ZFP28: variants seen among roughly 807,000 people sequenced by gnomAD.
ZFP28 encodes the protein ZFP28 zinc finger protein, also known as zinc finger protein 28 homolog.
Under a neutral mutation model 39.5 loss-of-function variants are expected in ZFP28, and 31 were observed. The observed-to-expected ratio is 0.79, with a 90% confidence interval of 0.59 to 1.06. The LOEUF (loss-of-function observed/expected upper bound fraction) is 1.06. ZFP28 is among the 50% of genes least tolerant of loss of function. The pLI, the probability that ZFP28 is intolerant of heterozygous loss-of-function variation, is 0.00. For missense variants in ZFP28, 925 were observed against 1,048.4 expected, an observed-to-expected ratio of 0.88 and a Z score of 1.63; for synonymous variants, 400 against 378.6, an observed-to-expected ratio of 1.06 and a Z score of -0.66.
chr19:56,551,732 T>G, intron 7 of ZFP28: 1 of 984,020 alleles, frequency 1.0e-6, no homozygotes, highest in Non-Finnish European at 1.2e-6. Flanking sequence ...ACTAAAATTA[T>G]TCTTTTTTTA....
At chr19:56,545,990 T>C (rs999892529) in intron 2 of ZFP28, 6 of 152,184 alleles carry the variant, frequency 3.9e-5, no homozygotes, top group Non-Finnish European at 5.9e-5. Context: ...TGGATGAGAG[T>C]TATGACAGTC....
Position 56,554,193 on chromosome 19 carries a change from C to T in ZFP28, c.1408C>T (p.His470Tyr), listed in dbSNP as rs1688565337. 6.2e-7 allele frequency: 1 copy of T among 1,614,028 alleles called. No individual in the cohort carries two copies. Among genetic ancestry groups the T allele is most frequent in the Non-Finnish European group, 8.5e-7 (1 of 1,180,034 alleles). Reference protein sequence around the residue: ...GSSFARHQRCHTGKKPYECIE... With the variant: ...GSSFARHQRCYTGKKPYECIE... ...ATCCTTTGCCCGACACCAGAGATGT[C>T]ACACTGGCAAGAAGCCCTATGAGTG... The change falls in exon 8 of 8, where the codon CAC becomes TAC. Residue 470 changes from histidine to tyrosine, a missense_variant. Around this residue, in one of 2 missense-constraint regions of ZFP28, gnomAD observed 369 missense variants for 505.5 expected, o/e 0.73. Coordinates refer to ENST00000301318, the MANE Select transcript of ZFP28 (RefSeq NM_020828.2). The surrounding 1 kb of genome is among the most constrained non-coding windows in gnomAD (Gnocchi z 6.7).
rs2044258928 is a variant in ZFP28, at chr19:56,547,970, A to G, written c.523+68A>G. 2.0e-6 allele frequency: 3 copies of G among 1,471,272 alleles called. No homozygotes were observed. The highest frequency in any genetic ancestry group is 2.3e-5 in the East Asian group (1 of 43,876). The allele number at this position is 1,471,272 out of a possible 1,614,324, so 91.1% of individuals were successfully genotyped here. A position where few individuals can be genotyped will look rare whatever the true frequency, so the allele number is the denominator to read the frequency against. ...ATAGTTCAGCTGACTCAGACACGCA[A>G]CATCTTCAGCAGACTCTTCCTAAGC... On this transcript the variant is annotated intron_variant, in intron 4 of 7. Transcript: ENST00000301318. This position sits in a 1 kb window ranked among gnomAD's most constrained non-coding sequence, Gnocchi z 4.6.
chr19:56,538,059 G>C (rs1378758962), upstream of ZFP28: 1 of 152,232 alleles, frequency 6.6e-6, no homozygotes, highest in Non-Finnish European at 1.5e-5. Flanking sequence ...TGGCATAAAG[G>C]AGCCAGCCCA....
At position 56,549,026 on chromosome 19, in the gene ZFP28, C is replaced by G; in HGVS notation, c.592C>G (p.Gln198Glu). The change falls in exon 5 of 8, where the codon CAG becomes GAG. Residue 198 changes from glutamine (Q) to glutamate (E), a missense_variant. Around this residue, in one of 2 missense-constraint regions of ZFP28, gnomAD observed 556 missense variants for 542.9 expected, o/e 1.02. Coordinates refer to ENST00000301318, the MANE Select transcript of ZFP28 (RefSeq NM_020828.2). ...KKDFCEGKLS[Q>E]AVITERLTSY... ...GGACTTCTGCGAAGGAAAGCTATCC[C>G]AGGCAGTGATAACAGAGAGACTCAC... 6.2e-7 allele frequency: 1 copy of G among 1,614,082 alleles called. No individual in the cohort carries two copies. Among genetic ancestry groups the G allele is most frequent in the Non-Finnish European group, 8.5e-7 (1 of 1,180,020 alleles).
In ZFP28 at chr19:56,539,206, C is replaced by A; in HGVS notation, c.188C>A (p.Pro63His). Residue 63 changes from proline to histidine, a missense_variant, in exon 1 of 8, where the codon CCT becomes CAT. Physicochemically the swap from Pro to His is moderately conservative, Grantham distance 77. Around this residue, in one of 2 missense-constraint regions of ZFP28, gnomAD observed 556 missense variants for 542.9 expected, o/e 1.02. Transcript: ENST00000301318. Reference sequence around the variant, plus strand: ...TCCAAAGGCCAGCGAGGAGCGGCCCCTACGGGGCCTGGGCACAGAGGTGAG... The same window carrying A: ...TCCAAAGGCCAGCGAGGAGCGGCCCATACGGGGCCTGGGCACAGAGGTGAG... ...LASKGQRGAAPTGPGHRALPS... is the reference protein window; with the variant it reads ...LASKGQRGAAHTGPGHRALPS... 6.3e-7 allele frequency: 1 copy of A among 1,598,156 alleles called. No individual in the cohort carries two copies.
Position 56,556,433 on chromosome 19 carries a change from G to A in ZFP28, c.*1041G>A, listed in dbSNP as rs1167555390. 1 of 152,122 alleles carries A rather than the reference G, an allele frequency of 6.6e-6. No homozygotes were observed. 9.4% of individuals were successfully genotyped at this position (152,122 alleles called of 1,614,324 possible). ...GTGTGATCCCTGCTATGGAGCAGAGGTTATCAAACTAAAGCCCATGGACCA... is the reference window on the plus strand; with the variant it reads ...GTGTGATCCCTGCTATGGAGCAGAGATTATCAAACTAAAGCCCATGGACCA... On this transcript the variant is annotated 3_prime_UTR_variant, in exon 8 of 8. Transcript: ENST00000301318.
chr19:56,539,490 T>C (rs1280912115), intron 1 of ZFP28, 135 bp from the exon 2 acceptor site: 4 of 785,882 alleles, frequency 5.1e-6, no homozygotes, highest in Non-Finnish European at 6.0e-6. Context: ...GAAAAAAACC[T>C]ATCTCCACGT....
chr19:56,549,618 A>C (rs894215888), intron 5 of ZFP28, among the ~76,000 whole-genome samples: 1 of 151,994 alleles, frequency 6.6e-6, no homozygotes, highest in Non-Finnish European at 1.5e-5. Flanking sequence ...CGGAGCTTGC[A>C]GTGAGCCGAG....
Position 56,554,152 on chromosome 19 carries a change from C to A in ZFP28, c.1367C>A (p.Ala456Asp), listed in dbSNP as rs61733505. 1.1e-5 allele frequency: 18 copies of A among 1,614,148 alleles called. No individual in the cohort carries two copies. In the South Asian group the frequency reaches 2.0e-4, roughly 18 times the overall value. The change falls in exon 8 of 8, where the codon GCC becomes GAC. Residue 456 changes from alanine to aspartate, a missense_variant. Ala to Asp is a moderately radical substitution (Grantham distance 126). Transcript: ENST00000301318. This position sits in a 1 kb window ranked among gnomAD's most constrained non-coding sequence, Gnocchi z 6.7. Reference protein sequence around the residue: ...KPYKCNECGKAFSDGSSFARH... With the variant: ...KPYKCNECGKDFSDGSSFARH... ...TATAAATGTAATGAATGTGGGAAGG[C>A]CTTTAGTGACGGCTCATCCTTTGCC... is the stretch of plus-strand genomic sequence containing the variant.
chr19:56,550,424 A>C lies in ZFP28; in HGVS notation c.803-86A>C, dbSNP rs1275180595. The C allele has an allele frequency of 1.8e-5, 22 of 1,202,906 alleles. No individual in the cohort carries two copies. In the East Asian group the frequency reaches 4.0e-4, roughly 22 times the overall value. 74.5% of individuals were successfully genotyped at this position (1,202,906 alleles called of 1,614,324 possible). On this transcript the variant is annotated intron_variant, in intron 6 of 7. Coordinates refer to ENST00000301318, the MANE Select transcript of ZFP28 (RefSeq NM_020828.2). ...CTGTTTTTCTGTTTCTTTCAGCAGTAACACTTTTCTATCAACAAGGAAGTG... is the reference window on the plus strand; with the variant it reads ...CTGTTTTTCTGTTTCTTTCAGCAGTCACACTTTTCTATCAACAAGGAAGTG...
At chr19:56,545,627 A>G (rs1283737098) in intron 2 of ZFP28, 2 of 152,222 alleles carry the variant, frequency 1.3e-5, no homozygotes, top group Non-Finnish European at 2.9e-5. Context: ...TGGCCAGCAC[A>G]CCTTGCAGGG....
intron 2 of ZFP28, among the ~76,000 whole-genome samples, chr19:56,543,380 TTA>T (rs143634480): frequency 2.0e-5 from 3 of 146,514 alleles, no homozygotes; most frequent in Admixed American, 6.8e-5. Context: ...TATATGTATA[TTA>T]TATATATATG....
At position 56,547,869 on chromosome 19, in the gene ZFP28, G is replaced by T; in HGVS notation, c.490G>T (p.Val164Leu). Reference sequence around the variant, plus strand: ...GGAACAAGGAAAAGAGCCTTGGACAGTGAAGCGAAAGATGACAAGAGCCTG... The same window carrying T: ...GGAACAAGGAAAAGAGCCTTGGACATTGAAGCGAAAGATGACAAGAGCCTG... ...SLEQGKEPWT[V>L]KRKMTRAWCP... The change falls in exon 4 of 8, where the codon GTG becomes TTG. Residue 164 changes from valine (V) to leucine (L), a missense_variant. This residue lies in a region of ZFP28 where 556 missense variants were observed against 542.9 expected (regional missense o/e 1.02). Coordinates refer to ENST00000301318, the MANE Select transcript of ZFP28 (RefSeq NM_020828.2). The surrounding 1 kb of genome is among the most constrained non-coding windows in gnomAD (Gnocchi z 4.6). 6.2e-7 allele frequency: 1 copy of T among 1,614,204 alleles called. No homozygotes were observed. Among genetic ancestry groups the T allele is most frequent in the Non-Finnish European group, 8.5e-7 (1 of 1,180,018 alleles).
chr19:56,545,212 C>T (rs1425179963), intron 2 of ZFP28, among the ~76,000 whole-genome samples: 1 of 152,196 alleles, frequency 6.6e-6, no homozygotes, highest in Non-Finnish European at 1.5e-5. Flanking sequence ...CCTTTCAGTC[C>T]CCAGCTTAGG....
chr19:56,551,528 G>C (rs2044303007), intron 7 of ZFP28: 1 of 984,840 alleles, frequency 1.0e-6, no homozygotes, highest in Admixed American at 6.2e-5. Context: ...AATTATAATA[G>C]ATTTTTTTCA....
rs897185858 is a variant in ZFP28 at position 56,551,573 on chromosome 19, G to A, written c.898+968G>A. The A allele has an allele frequency of 1.0e-5, 10 of 985,096 alleles. No individual in the cohort carries two copies. In the East Asian group the frequency reaches 1.0e-3, roughly 101 times the overall value. The allele number at this position is 985,096 out of a possible 1,614,324, so 61.0% of individuals were successfully genotyped here. A position where few individuals can be genotyped will look rare whatever the true frequency, so the allele number is the denominator to read the frequency against. On this transcript the variant is annotated intron_variant, in intron 7 of 7. Transcript: ENST00000301318. Reference sequence around the variant, plus strand: ...AAAACTACACATTTTGGGGATTGCTGTATTCCTGGATATGAGCACCTGCTA... The same window carrying A: ...AAAACTACACATTTTGGGGATTGCTATATTCCTGGATATGAGCACCTGCTA...
Position 56,550,115 on chromosome 19 carries a change from C to T in ZFP28, c.736C>T (p.His246Tyr), listed in dbSNP as rs763528437. 2 of 1,613,418 alleles carry T rather than the reference C, an allele frequency of 1.2e-6. No homozygotes were observed. ...GGCTGTTGACTTCCGCCAGCAGCTA[C>T]ACCCAGCTCAGAAGAATTTCTGTAA... ...NLAVDFRQQL[H>Y]PAQKNFCKNG... Residue 246 changes from histidine (H) to tyrosine (Y), a missense_variant, in exon 6 of 8, where the codon CAC (histidine) becomes TAC (tyrosine). His to Tyr is a moderately conservative substitution (Grantham distance 83, BLOSUM62 2). This residue lies in a region of ZFP28 where 556 missense variants were observed against 542.9 expected (regional missense o/e 1.02). Transcript: ENST00000301318.
At chr19:56,546,645 C>A (rs1323715290) in intron 2 of ZFP28, 3 of 151,864 alleles carry the variant, frequency 2.0e-5, no homozygotes, top group African/African-American at 7.3e-5. Context: ...TTAATGACCT[C>A]TACTGAACAC....
Sources: gnomAD v4.1 joint callset for allele counts (sites outside exome capture counted in the v4.1 genomes callset) on GRCh38, gnomAD v4.1.1 for gene constraint, gnomAD v4.1.1 regional missense constraint, Gnocchi (gnomAD v3.1) non-coding constraint, MANE v1.5 for transcripts, NCBI Gene and HGNC (gene_info 2026-07-23, HGNC 2026-07-21) for gene names.